The following TAF2 variants were observed in gnomAD, a reference collection of about 807,000 sequenced individuals.
The protein encoded by TAF2 is transcription initiation factor TFIID subunit 2.
In TAF2, 61 loss-of-function variants were observed where a neutral mutation model predicts 138.5. The ratio of observed to expected loss-of-function variants is 0.44; its 90% CI spans 0.36 to 0.54. The LOEUF (loss-of-function observed/expected upper bound fraction) is 0.54. Among genes scored for constraint, TAF2 ranks in the 20% least tolerant of loss-of-function variants. The probability of loss-of-function intolerance (pLI) is 0.00; values close to 1 mark genes in which losing one functional copy is unlikely to be tolerated. For missense variants in TAF2, 1,090 were observed against 1,427.9 expected (o/e 0.76, Z 3.81); for synonymous variants, 475 against 469.9 (o/e 1.01, Z -0.14).
In TAF2 at chr8:119,789,648, C is replaced by T. The variant is rs1253371615; in HGVS notation, c.1512G>A (p.Leu504=). The T allele has an allele frequency of 9.3e-6, 15 of 1,613,696 alleles. No individual in the cohort carries two copies. In the African/African-American group the frequency reaches 1.5e-4, roughly 16 times the overall value. ...TGCCAGAGACATTTGAAATGGATTTCAAAAACCCAGATGTGGAAACCAACA... is the reference window on the plus strand; with the variant it reads ...TGCCAGAGACATTTGAAATGGATTTTAAAAACCCAGATGTGGAAACCAACA... ...SQMLVSTSGF[L]KSISNVSGKD... is the part of the protein sequence containing the mutation. Residue 504 remains leucine (L), a synonymous_variant, in exon 12 of 26, where the codon TTG becomes TTA. Coordinates refer to ENST00000378164, the MANE Select transcript of TAF2 (RefSeq NM_003184.4).
chr8:119,801,378 C>CA (rs1212548044), intron 6 of TAF2, among the ~76,000 whole-genome samples: 1 of 150,898 alleles, frequency 6.6e-6, no homozygotes, highest in African/African-American at 2.4e-5. Context: ...TCTCTCTAGT[C>CA]ATATTCTTGA....
intron 18 of TAF2, among the ~76,000 whole-genome samples, chr8:119,775,492 C>A (rs1822161046): frequency 6.6e-6 from 1 of 151,764 alleles, no homozygotes; most frequent in South Asian, 2.1e-4. Flanking sequence ...CACTTGAGGT[C>A]AGGAGTTCGA....
chr8:119,787,967 T>C (rs1023390775), intron 14 of TAF2, among the ~76,000 whole-genome samples: 3 of 152,068 alleles, frequency 2.0e-5, no homozygotes, highest in Admixed American at 2.0e-4. Context: ...AAACCATCAT[T>C]CTCAGCAAAC....
chr8:119,771,068 C>T (rs1017268051), intron 18 of TAF2, among the ~76,000 whole-genome samples: 1 of 151,898 alleles, frequency 6.6e-6, no homozygotes, highest in Non-Finnish European at 1.5e-5. Context: ...GAGACTCCGT[C>T]TCTTAAAAAA....
intron 8 of TAF2, among the ~76,000 whole-genome samples, chr8:119,796,410 TAATA>T (rs1035744386): frequency 4.6e-5 from 7 of 152,068 alleles, no homozygotes; most frequent in African/African-American, 1.7e-4. Context: ...AATCTCAAGT[TAATA>T]AAAAAGAAAA....
chr8:119,771,072 T>TA (rs899156242), intron 18 of TAF2, among the ~76,000 whole-genome samples: 15 of 150,616 alleles, frequency 1.0e-4, no homozygotes, highest in Admixed American at 2.0e-4. Context: ...CTCCGTCTCT[T>TA]AAAAAAAAAG....
chr8:119,826,053 T>G (rs571049977), intron 2 of TAF2, among the ~76,000 whole-genome samples: 1 of 150,684 alleles, frequency 6.6e-6, no homozygotes, highest in African/African-American at 2.4e-5. Flanking sequence ...TAAGTGGGAG[T>G]TGAATAATGA....
rs750047546 is a variant in TAF2 at position 119,806,407 on chromosome 8, GA to G, written c.300-7del. The G allele has an allele frequency of 2.6e-5, 41 of 1,598,148 alleles. No individual in the cohort carries two copies. Among genetic ancestry groups the G allele is most frequent in the Middle Eastern group, 1.7e-4 (1 of 6,018 alleles). ...AAAAATAATTGAGGTTTCTCCTGGG[GA>G]AAAAAAAGAGCCAACTTTTAATAAT... On this transcript the variant is annotated splice_polypyrimidine_tract_variant and splice_region_variant and intron_variant, in intron 3 of 25. Transcript: ENST00000378164.
intron 16 of TAF2, among the ~76,000 whole-genome samples, chr8:119,781,627 G>T (rs7836830): frequency 0.3 from 45,043 of 151,792 alleles, 7,728 homozygotes; most frequent in African/African-American, 0.47. Flanking sequence ...GGAGGTTGCA[G>T]TGAGCCAAGA....
chr8:119,772,933 A>C (rs1164644701), intron 18 of TAF2, among the ~76,000 whole-genome samples: 1 of 148,398 alleles, frequency 6.7e-6, no homozygotes, highest in East Asian at 1.9e-4. Context: ...GACAGACTCC[A>C]TCTCAAATAA....
chr8:119,762,612 G>A lies in TAF2; in HGVS notation c.2365-4C>T. 6.2e-7 allele frequency: 1 copy of A among 1,609,050 alleles called. No individual in the cohort carries two copies. The highest frequency in any genetic ancestry group is 2.2e-5 in the East Asian group (1 of 44,660). On this transcript the variant is annotated splice_region_variant and splice_polypyrimidine_tract_variant and intron_variant, in intron 18 of 25. Transcript: ENST00000378164. ...CACGATAATAGTTATCTGAAAACTA[G>A]GCCAAAGAAAAATTAAGTGAAGATA...
Position 119,762,575 on chromosome 8 carries a change from C to T in TAF2, c.2398G>A (p.Asp800Asn). 3 of 1,613,420 alleles carry T rather than the reference C, an allele frequency of 1.9e-6. No homozygotes were observed. Among genetic ancestry groups the T allele is most frequent in the Non-Finnish European group, 2.5e-6 (3 of 1,179,708 alleles). The change falls in exon 19 of 26, where the codon GAT (aspartate) becomes AAT (asparagine). Residue 800 changes from aspartate (D) to asparagine (N), a missense_variant. By Grantham distance (23) the Asp-to-Asn change is conservative. Transcript: ENST00000378164. ...SDNYYRAEMIDALANSVTPAV... is the reference protein window; with the variant it reads ...SDNYYRAEMINALANSVTPAV... ...GGTGTAACAGAGTTGGCCAGGGCAT[C>T]AATCATTTCTGCACGATAATAGTTA...
intron 3 of TAF2, among the ~76,000 whole-genome samples, chr8:119,819,078 A>G (rs1047595754): frequency 3.3e-5 from 5 of 152,102 alleles, no homozygotes; most frequent in African/African-American, 1.2e-4. Context: ...ACTGAAAGTA[A>G]AAAAAATGAC....
chr8:119,780,728 G>A (rs1822582232), intron 17 of TAF2, among the ~76,000 whole-genome samples: 1 of 152,074 alleles, frequency 6.6e-6, no homozygotes, highest in South Asian at 2.1e-4. Context: ...AGGGTCAGGA[G>A]ATGAAAACCA....
chr8:119,744,010 C>T (rs892167644), intron 24 of TAF2, among the ~76,000 whole-genome samples: 2 of 152,108 alleles, frequency 1.3e-5, no homozygotes, highest in Non-Finnish European at 2.9e-5. Context: ...CTACCACATA[C>T]ACACACAAAA....
At chr8:119,771,886 C>T (rs1370431712) in intron 18 of TAF2, among the ~76,000 whole-genome samples, 1 of 152,150 alleles carries the variant, frequency 6.6e-6, no homozygotes, top group Non-Finnish European at 1.5e-5. Context: ...GCAGAATATA[C>T]GTTTTTCTCA....
chr8:119,812,601 A>C (rs570027008), intron 3 of TAF2, among the ~76,000 whole-genome samples: 1 of 152,304 alleles, frequency 6.6e-6, no homozygotes, highest in African/African-American at 2.4e-5. Flanking sequence ...AAATGAGAAC[A>C]TATGGTATTT....
At position 119,788,432 on chromosome 8, in the gene TAF2, T is replaced by C. The variant is rs1823178429; in HGVS notation, c.1699A>G (p.Thr567Ala). ...TQKYVGPLKV[T>A]VQELDGSFNH... ...AAGGATCCATCTAACTCCTGCACTGTCACTTTAAGTGGTCCCTTTTAAAAA... is the reference window on the plus strand; with the variant it reads ...AAGGATCCATCTAACTCCTGCACTGCCACTTTAAGTGGTCCCTTTTAAAAA... The change falls in exon 14 of 26, where the codon ACA (threonine) becomes GCA (alanine). Residue 567 changes from threonine (T) to alanine (A), a missense_variant. Physicochemically the swap from Thr to Ala is moderately conservative, Grantham distance 58. Around this residue, in one of 3 missense-constraint regions of TAF2, gnomAD observed 504 missense variants for 680.9 expected, o/e 0.74. Transcript: ENST00000378164. The C allele has an allele frequency of 1.2e-6, 2 of 1,612,828 alleles. No homozygotes were observed. Among genetic ancestry groups the C allele is most frequent in the East Asian group, 2.2e-5 (1 of 44,760 alleles).
At chr8:119,793,003 A>G (rs1460073426) in intron 10 of TAF2, among the ~76,000 whole-genome samples, 2 of 152,094 alleles carry the variant, frequency 1.3e-5, no homozygotes, top group African/African-American at 4.8e-5. Context: ...GGTATTATGC[A>G]TCTCCTTCAA....
Sources: gnomAD v4.1 joint callset for allele counts (sites outside exome capture counted in the v4.1 genomes callset) on GRCh38, gnomAD v4.1.1 for gene constraint, gnomAD v4.1.1 regional missense constraint, MANE v1.5 for transcripts, NCBI Gene and HGNC (gene_info 2026-07-23, HGNC 2026-07-21) for gene names.